The following CEMIP variants were observed in gnomAD, a reference collection of about 807,000 sequenced individuals.
CEMIP encodes the protein cell migration-inducing and hyaluronan-binding protein.
CEMIP carries 105 observed loss-of-function variants against 156.9 expected under a neutral mutation model. The ratio of observed to expected loss-of-function variants is 0.67; its 90% CI spans 0.57 to 0.79. CEMIP has a LOEUF of 0.79. Ranked by LOEUF, CEMIP falls within the 30% of genes least tolerant of loss-of-function variation. The probability of loss-of-function intolerance (pLI) is 0.00; values close to 1 mark genes in which losing one functional copy is unlikely to be tolerated. For missense variants in CEMIP, 1,457 were observed against 1,769.4 expected (o/e 0.82, Z 3.17); for synonymous variants, 676 against 668.4 (o/e 1.01, Z -0.17).
chr15:80,884,495 A>G (rs546739285), intron 7 of CEMIP, 141 bp downstream of exon 7: 1 of 864,396 alleles, frequency 1.2e-6, no homozygotes, highest in South Asian at 1.4e-5. Flanking sequence ...TTTGCATTTG[A>G]CATCTGAGTT....
intron 1 of CEMIP, among the ~76,000 whole-genome samples, chr15:80,840,042 G>A (rs1190146412): frequency 6.6e-6 from 1 of 152,202 alleles, no homozygotes; most frequent in African/African-American, 2.4e-5. Flanking sequence ...CCTCCTCTAA[G>A]GGGCCCCCCA....
chr15:80,941,783 G>A (rs913425898), intron 25 of CEMIP, 66 bp from the exon 26 acceptor site: 1 of 1,434,942 alleles, frequency 7.0e-7, no homozygotes, highest in Non-Finnish European at 9.7e-7. Flanking sequence ...ATGTCTCGGT[G>A]GGTGGGAGGA....
At position 80,906,590 on chromosome 15, in the gene CEMIP, A is replaced by C. The variant is rs560016739; in HGVS notation, c.1412-73A>C. The C allele has an allele frequency of 6.8e-7, 1 of 1,465,216 alleles. No homozygotes were observed. Among genetic ancestry groups the C allele is most frequent in the East Asian group, 2.3e-5 (1 of 43,932 alleles). 90.8% of individuals were successfully genotyped at this position (1,465,216 alleles called of 1,614,324 possible). ...ATGAGTAAGCAGCAGCCATGGAGGC[A>C]CCTGGCAGGGGCCCAGAACTCAGTG... On this transcript the variant is annotated intron_variant, in intron 12 of 29. Transcript: ENST00000394685. The surrounding 1 kb of genome is among the most constrained non-coding windows in gnomAD (Gnocchi z 4.3).
chr15:80,916,478 GA>G (rs1900279249), intron 14 of CEMIP, among the ~76,000 whole-genome samples: 2 of 152,210 alleles, frequency 1.3e-5, no homozygotes, highest in Admixed American at 1.3e-4. Flanking sequence ...AGAATGGGGG[GA>G]GAACTTACAT....
intron 19 of CEMIP, among the ~76,000 whole-genome samples, chr15:80,927,009 TC>T (rs1337558982): frequency 6.6e-6 from 1 of 152,130 alleles, no homozygotes. Context: ...TTTTGTATTT[TC>T]AGTAGAGACG....
chr15:80,889,050 C>A (rs945730401), intron 9 of CEMIP, among the ~76,000 whole-genome samples: 1 of 152,176 alleles, frequency 6.6e-6, no homozygotes, highest in African/African-American at 2.4e-5. Flanking sequence ...CAGCTTAGTT[C>A]ACGGAATATC....
chr15:80,949,260 C>A lies in CEMIP; in HGVS notation c.*336C>A, dbSNP rs538197580. On this transcript the variant is annotated 3_prime_UTR_variant, in exon 30 of 30. Transcript: ENST00000394685. ...CCTGGGTTGTGCTGACAGCAAAGAT[C>A]CACTTTGGCAGGAGCCCTGACCCAG... The A allele has an allele frequency of 5.1e-6, 2 of 391,604 alleles. No homozygotes were observed. Among genetic ancestry groups the A allele is most frequent in the African/African-American group, 2.1e-5 (1 of 48,448 alleles). 24.3% of individuals were successfully genotyped at this position (391,604 alleles called of 1,614,324 possible).
chr15:80,879,916 C>T, intron 5 of CEMIP, 62 bp downstream of exon 5: 1 of 1,598,422 alleles, frequency 6.3e-7, no homozygotes, highest in Non-Finnish European at 8.6e-7. Context: ...GGAGACTTTC[C>T]AAGACAGAGA....
intron 12 of CEMIP, among the ~76,000 whole-genome samples, chr15:80,901,656 C>T (rs1899560116): frequency 1.3e-5 from 2 of 150,896 alleles, no homozygotes; most frequent in South Asian, 2.1e-4. Context: ...GAGCCGAGAT[C>T]GCACCATTGC....
At chr15:80,881,475 T>C (rs1381736564) in intron 6 of CEMIP, among the ~76,000 whole-genome samples, 1 of 152,074 alleles carries the variant, frequency 6.6e-6, no homozygotes, top group Non-Finnish European at 1.5e-5. Flanking sequence ...GGATGCAACA[T>C]TTGAGCTGAG....
rs766113303 is a variant in CEMIP, at chr15:80,929,164, C to G, written c.2602C>G (p.Pro868Ala). ...GGLDHSGRTL[P>A]IGQNFPIRGI... ...CTTGGACCATAGCGGAAGGACCCTC[C>G]CTATAGGCCAGTAGGTTTGCAACCA... The change falls in exon 21 of 30, where the codon CCT becomes GCT. Residue 868 changes from proline to alanine, a missense_variant. Around this residue, in one of 5 missense-constraint regions of CEMIP, gnomAD observed 798 missense variants for 980.1 expected, o/e 0.81. Coordinates refer to ENST00000394685, the MANE Select transcript of CEMIP (RefSeq NM_001293298.2). 1 of 1,614,058 alleles carries G rather than the reference C, an allele frequency of 6.2e-7. No individual in the cohort carries two copies. Among genetic ancestry groups the G allele is most frequent in the African/African-American group, 1.3e-5 (1 of 74,926 alleles).
chr15:80,835,214 T>A (rs1298136450), intron 1 of CEMIP, among the ~76,000 whole-genome samples: 2 of 152,160 alleles, frequency 1.3e-5, no homozygotes, highest in Non-Finnish European at 2.9e-5. Flanking sequence ...CTATCTTATA[T>A]ATCTTTTCTT....
intron 1 of CEMIP, among the ~76,000 whole-genome samples, chr15:80,790,046 A>T (rs1896042306): frequency 6.6e-6 from 1 of 152,084 alleles, no homozygotes; most frequent in Non-Finnish European, 1.5e-5. Flanking sequence ...CCATTGTGGG[A>T]TACGTGGTGC....
intron 5 of CEMIP, 139 bp from the exon 6 acceptor site, chr15:80,880,761 G>A (rs1243066346): frequency 1.4e-5 from 11 of 781,642 alleles, no homozygotes; most frequent in Non-Finnish European, 2.1e-5. Context: ...CTGACCTCAG[G>A]TGATAAAAGT....
intron 19 of CEMIP, among the ~76,000 whole-genome samples, chr15:80,926,835 T>TGG (rs1900698312): frequency 7.9e-6 from 1 of 127,370 alleles, no homozygotes; most frequent in African/African-American, 3.7e-5. Context: ...GGGGGGGTCT[T>TGG]CTTTTTTTTT....
intron 1 of CEMIP, among the ~76,000 whole-genome samples, chr15:80,817,369 T>C (rs1469776715): frequency 6.6e-6 from 1 of 151,874 alleles, no homozygotes; most frequent in Non-Finnish European, 1.5e-5. Flanking sequence ...ACGAGGTGGG[T>C]GAATAGCTTG....
In CEMIP at chr15:80,888,754, G is replaced by C; in HGVS notation, c.922G>C (p.Gly308Arg). Reference sequence around the variant, plus strand: ...ATTCAAATTGTTCCAGACAGAGCATGGCGAATATTTCAATGTTTCTTTGTC... The same window carrying C: ...ATTCAAATTGTTCCAGACAGAGCATCGCGAATATTTCAATGTTTCTTTGTC... ...RVFKLFQTEH[G>R]EYFNVSLSSE... The change falls in exon 9 of 30, where the codon GGC becomes CGC. Residue 308 changes from glycine (G) to arginine (R), a missense_variant. Coordinates refer to ENST00000394685, the MANE Select transcript of CEMIP (RefSeq NM_001293298.2). 1 of 1,614,164 alleles carries C rather than the reference G, an allele frequency of 6.2e-7. No homozygotes were observed. The highest frequency in any genetic ancestry group is 8.5e-7 in the Non-Finnish European group (1 of 1,180,028).
chr15:80,874,070 C>A, intron 3 of CEMIP, 97 bp downstream of exon 3: 1 of 1,173,224 alleles, frequency 8.5e-7, no homozygotes, highest in Non-Finnish European at 1.2e-6. Context: ...GGAGAAGGAG[C>A]CGTGGGAGTG....
chr15:80,831,784 A>G (rs1415628838), intron 1 of CEMIP, among the ~76,000 whole-genome samples: 1 of 152,148 alleles, frequency 6.6e-6, no homozygotes, highest in African/African-American at 2.4e-5. Flanking sequence ...CCTCAAGCTG[A>G]CCACAAGTCA....
Sources: allele counts gnomAD v4.1 joint callset (sites outside exome capture counted in the v4.1 genomes callset), GRCh38; gene constraint gnomAD v4.1.1; regional missense constraint gnomAD v4.1.1; non-coding constraint Gnocchi (gnomAD v3.1); transcripts MANE v1.5; gene names NCBI Gene and HGNC (gene_info 2026-07-23, HGNC 2026-07-21).